The following KLHDC8A variants were observed in gnomAD, a reference collection of about 807,000 sequenced individuals.
KLHDC8A encodes the protein kelch domain-containing protein 8A.
A neutral mutation model predicts 33.1 loss-of-function variants in KLHDC8A; 21 were observed. That is an observed-to-expected ratio of 0.64 (90% CI 0.45 to 0.91). The LOEUF (loss-of-function observed/expected upper bound fraction) is 0.91. Among genes scored for constraint, KLHDC8A ranks in the 40% least tolerant of loss-of-function variants. The pLI is 0.00. For synonymous variants in KLHDC8A, 173 were observed against 193.5 expected (o/e 0.89, Z 0.88); for missense variants, 435 against 483.3 (o/e 0.90, Z 0.94).
At chr1:205,345,791 G>A (rs1662931004) in intron 1 of KLHDC8A, among the ~76,000 whole-genome samples, 1 of 151,836 alleles carries the variant, frequency 6.6e-6, no homozygotes, top group Non-Finnish European at 1.5e-5. Context: ...GTATAAAATC[G>A]AGGCCGGATT....
In KLHDC8A at chr1:205,339,696, G is replaced by A. The variant is rs1261580168; in HGVS notation, c.489C>T (p.Thr163=). 1 of 1,614,056 alleles carries A rather than the reference G, an allele frequency of 6.2e-7. No individual in the cohort carries two copies. Among genetic ancestry groups the A allele is most frequent in the African/African-American group, 1.3e-5 (1 of 74,920 alleles). Residue 163 remains threonine (T), a synonymous_variant, in exon 3 of 6, where the codon ACC becomes ACT. Transcript: ENST00000367155. The surrounding 1 kb of genome is among the most constrained non-coding windows in gnomAD (Gnocchi z 5.1). ...DMWVSLAPMP[T]PRYAATSFLR... ...GGAAGGAGGTGGCAGCATATCTCGGGGTGGGCATGGGTGCTAGGGACACCC... is the reference window on the plus strand; with the variant it reads ...GGAAGGAGGTGGCAGCATATCTCGGAGTGGGCATGGGTGCTAGGGACACCC...
At chr1:205,351,598 TAGTC>T in intron 1 of KLHDC8A, 9 of 217,844 alleles carry the variant, frequency 4.1e-5, no homozygotes, top group Admixed American at 2.2e-4. Flanking sequence ...ACTTCTGTAA[TAGTC>T]AAAAAAAAAA....
chr1:205,350,490 T>C lies in KLHDC8A; in HGVS notation c.-190+6043A>G, dbSNP rs1377405629. Among the ~76,000 whole-genome samples the C allele has an allele frequency of 2.6e-5, 4 of 152,062 alleles. No homozygotes were observed. The East Asian group carries it at 7.8e-4, about 29-fold the overall frequency. On this transcript the variant is annotated intron_variant, in intron 1 of 5. Coordinates refer to ENST00000367155, the MANE Select transcript of KLHDC8A (RefSeq NM_018203.3). Reference sequence around the variant, plus strand: ...CCTTAGGGGGCCTAATCTTCACCCCTTCTCAAGTAGAGGACAGCAGAGCCT... The same window carrying C: ...CCTTAGGGGGCCTAATCTTCACCCCCTCTCAAGTAGAGGACAGCAGAGCCT...
Position 205,343,149 on chromosome 1 carries a change from T to TAA in KLHDC8A, c.376+79_376+80insTT, listed in dbSNP as rs1247314249. ...ACTAAACTCCACAGCCCACAGCAAA[T>TAA]GCCTGTTGGTTTCCATCTGTTTCCC... On this transcript the variant is annotated intron_variant, in intron 2 of 5. Transcript: ENST00000367155. The TAA allele has an allele frequency of 3.3e-6, 5 of 1,511,766 alleles. No individual in the cohort carries two copies. In the African/African-American group the frequency reaches 6.9e-5, roughly 21 times the overall value. 93.6% of individuals were successfully genotyped at this position (1,511,766 alleles called of 1,614,324 possible).
In KLHDC8A at chr1:205,339,699, G is replaced by A. The variant is rs372667599; in HGVS notation, c.486C>T (p.Pro162=). The change falls in exon 3 of 6, where the codon CCC becomes CCT. Residue 162 remains proline (P), a synonymous_variant. Coordinates refer to ENST00000367155, the MANE Select transcript of KLHDC8A (RefSeq NM_018203.3). This position sits in a 1 kb window ranked among gnomAD's most constrained non-coding sequence, Gnocchi z 5.1. ...AGGAGGTGGCAGCATATCTCGGGGT[G>A]GGCATGGGTGCTAGGGACACCCACA... ...KDMWVSLAPM[P]TPRYAATSFL... is the part of the protein sequence containing the mutation. 5.0e-6 allele frequency: 8 copies of A among 1,614,062 alleles called. No individual in the cohort carries two copies. In the Admixed American group the frequency reaches 5.0e-5, roughly 10 times the overall value.
intron 1 of KLHDC8A, chr1:205,351,123 G>C: frequency 7.7e-6 from 5 of 650,324 alleles, no homozygotes; most frequent in Non-Finnish European, 1.4e-5. Flanking sequence ...ACTCCCCGAA[G>C]ATTCCTCTTG....
rs77733621 is a variant in KLHDC8A at position 205,349,652 on chromosome 1, A to T, written c.-189-5859T>A. Among the ~76,000 whole-genome samples the T allele has an allele frequency of 9.2e-3, 1,406 of 152,316 alleles. 23 individuals carry two copies. Among genetic ancestry groups the T allele is most frequent in the African/African-American group, 0.032 (1,338 of 41,564 alleles). ...CTTACTGAGGAAATCGTAAGAGGAAATGGGGCTTACAATAAAGCCTGAGGA... is the reference window on the plus strand; with the variant it reads ...CTTACTGAGGAAATCGTAAGAGGAATTGGGGCTTACAATAAAGCCTGAGGA... On this transcript the variant is annotated intron_variant, in intron 1 of 5. Coordinates refer to ENST00000367155, the MANE Select transcript of KLHDC8A (RefSeq NM_018203.3).
In KLHDC8A at chr1:205,339,690, T is replaced by C. The variant is rs754262171; in HGVS notation, c.495A>G (p.Arg165=). Residue 165 remains arginine, a synonymous_variant, in exon 3 of 6, where the codon AGA becomes AGG. Coordinates refer to ENST00000367155, the MANE Select transcript of KLHDC8A (RefSeq NM_018203.3). The surrounding 1 kb of genome is among the most constrained non-coding windows in gnomAD (Gnocchi z 5.1). ...CTCGGAGGAAGGAGGTGGCAGCATA[T>C]CTCGGGGTGGGCATGGGTGCTAGGG... ...WVSLAPMPTP[R]YAATSFLRGS... is the part of the protein sequence containing the mutation. 6.2e-7 allele frequency: 1 copy of C among 1,613,980 alleles called. No homozygotes were observed. Among genetic ancestry groups the C allele is most frequent in the African/African-American group, 1.3e-5 (1 of 74,894 alleles).
intron 1 of KLHDC8A, among the ~76,000 whole-genome samples, chr1:205,352,744 T>C (rs1663151715): frequency 6.6e-6 from 1 of 152,194 alleles, no homozygotes; most frequent in South Asian, 2.1e-4. Context: ...GGTGGGTGTG[T>C]ACCTGAGGAT....
At chr1:205,350,145 AC>A (rs1663056918) in intron 1 of KLHDC8A, among the ~76,000 whole-genome samples, 1 of 152,106 alleles carries the variant, frequency 6.6e-6, no homozygotes. Flanking sequence ...GCTGCCAGCT[AC>A]CCCAGGTCCA....
At position 205,343,524 on chromosome 1, in the gene KLHDC8A, C is replaced by T. The variant is rs1409590280; in HGVS notation, c.81G>A (p.Leu27=). The T allele has an allele frequency of 8.7e-6, 14 of 1,613,142 alleles. No individual in the cohort carries two copies. In the South Asian group the frequency reaches 1.5e-4, roughly 18 times the overall value. The change falls in exon 2 of 6, where the codon CTG becomes CTA. Residue 27 remains leucine (L), a synonymous_variant. Transcript: ENST00000367155. The part of the protein sequence containing the change: ...LPSRRVYCSL[L]ETGGQVYAIG... ...TGGCATAGACCTGGCCCCCGGTCTCCAGCAGGGAGCAGTAGACCCGGCGGC... is the reference window on the plus strand; with the variant it reads ...TGGCATAGACCTGGCCCCCGGTCTCTAGCAGGGAGCAGTAGACCCGGCGGC...
chr1:205,354,323 A>C (rs887339994), intron 1 of KLHDC8A, among the ~76,000 whole-genome samples: 1 of 152,260 alleles, frequency 6.6e-6, no homozygotes. Flanking sequence ...ACTCTGATGT[A>C]ACTTTAGGTA....
chr1:205,338,265 C>G (rs925999096), intron 5 of KLHDC8A, among the ~76,000 whole-genome samples: 1 of 152,224 alleles, frequency 6.6e-6, no homozygotes, highest in African/African-American at 2.4e-5. Context: ...CCCTTATTCT[C>G]TCTGCGTCAC....
chr1:205,343,688 C>G lies in KLHDC8A; in HGVS notation c.-84G>C, dbSNP rs1662863143. The G allele has an allele frequency of 4.3e-6, 6 of 1,387,292 alleles. No individual in the cohort carries two copies. The South Asian group carries it at 8.8e-5, about 20-fold the overall frequency. The allele number at this position is 1,387,292 out of a possible 1,614,324, so 85.9% of individuals were successfully genotyped here. ...TACTTGGCGCCGGCTCCCACGGCCC[C>G]TATCGCCACCTCCATCTGGCTCCCG... On this transcript the variant is annotated 5_prime_UTR_variant, in exon 2 of 6. Transcript: ENST00000367155.
In KLHDC8A at chr1:205,343,684, GC is replaced by G; in HGVS notation, c.-81del. On this transcript the variant is annotated 5_prime_UTR_variant, in exon 2 of 6. The change abolishes the stop of an existing upstream ORF in the 5' untranslated region. Transcript: ENST00000367155. ...CGGCTACTTGGCGCCGGCTCCCACG[GC>G]CCCTATCGCCACCTCCATCTGGCTC... 1 of 1,409,108 alleles carries G rather than the reference GC, an allele frequency of 7.1e-7. No individual in the cohort carries two copies. Among genetic ancestry groups the G allele is most frequent in the Non-Finnish European group, 9.4e-7 (1 of 1,060,692 alleles). 87.3% of individuals were successfully genotyped at this position (1,409,108 alleles called of 1,614,324 possible).
Position 205,356,089 on chromosome 1 carries a change from C to A in KLHDC8A, c.-190+444G>T, listed in dbSNP as rs558445011. ...TTTCTCAGCCCTTGTCCCCCTCCCC[C>A]CCTCCCTCCTTTTTGAGTTCCCAGT... On this transcript the variant is annotated intron_variant, in intron 1 of 5. Transcript: ENST00000367155. 2.6e-5 allele frequency among the ~76,000 whole-genome samples: 4 copies of A among 151,996 alleles called. No individual in the cohort carries two copies. In the East Asian group the frequency reaches 5.8e-4, roughly 22 times the overall value.
At chr1:205,343,111 G>T in intron 2 of KLHDC8A, 118 bp downstream of exon 2, 1 of 1,402,310 alleles carries the variant, frequency 7.1e-7, no homozygotes, top group Non-Finnish European at 9.6e-7. Context: ...CATGGGGTCT[G>T]CAGAAATATG....
intron 1 of KLHDC8A, among the ~76,000 whole-genome samples, chr1:205,349,153 T>C (rs2102295324): frequency 6.6e-6 from 1 of 152,282 alleles, no homozygotes; most frequent in African/African-American, 2.4e-5. Flanking sequence ...TGGGAGATGG[T>C]ATGACACAGT....
chr1:205,348,610 C>T (rs964248628), intron 1 of KLHDC8A: 2 of 152,200 alleles, frequency 1.3e-5, no homozygotes, highest in Admixed American at 1.3e-4. Context: ...AGGGAATAAG[C>T]AAATCTACTT....
Sources: allele counts gnomAD v4.1 joint callset (sites outside exome capture counted in the v4.1 genomes callset), GRCh38; gene constraint gnomAD v4.1.1; non-coding constraint Gnocchi (gnomAD v3.1); transcripts MANE v1.5; gene names NCBI Gene and HGNC (gene_info 2026-07-23, HGNC 2026-07-21).